The following CDH13 variants were observed in gnomAD, a reference collection of about 807,000 sequenced individuals.
CDH13 encodes cadherin-13.
In CDH13, 24 loss-of-function variants were observed where a neutral mutation model predicts 63.8. That is an observed-to-expected ratio of 0.38 (90% CI 0.27 to 0.53). The LOEUF is 0.53. Among genes scored for constraint, CDH13 ranks in the 20% least tolerant of loss-of-function variants. The pLI, the probability that CDH13 is intolerant of heterozygous loss-of-function variation, is 0.85. For missense variants in CDH13, 1,049 were observed against 903.1 expected, an observed-to-expected ratio of 1.16 and a Z score of -2.07; for synonymous variants, 503 against 355.3, an observed-to-expected ratio of 1.42 and a Z score of -4.67.
At chr16:83,274,321 C>G (rs1053238734) in intron 5 of CDH13, among the ~76,000 whole-genome samples, 3 of 152,166 alleles carry the variant, frequency 2.0e-5, no homozygotes, top group Non-Finnish European at 4.4e-5. Flanking sequence ...GATCAGAGAC[C>G]TCTCAGTTAG....
chr16:83,549,191 T>C (rs1420953574), intron 7 of CDH13, among the ~76,000 whole-genome samples: 1 of 152,128 alleles, frequency 6.6e-6, no homozygotes, highest in Non-Finnish European at 1.5e-5. Context: ...GCAGACAAGC[T>C]GTGATGGAGT....
intron 1 of CDH13, among the ~76,000 whole-genome samples, chr16:82,659,015 T>A (rs1040250086): frequency 2.6e-5 from 4 of 152,130 alleles, no homozygotes; most frequent in African/African-American, 9.7e-5. Context: ...CTGGCCATCA[T>A]CCCAGGCTTA....
chr16:83,514,162 C>G (rs919875552), intron 7 of CDH13, among the ~76,000 whole-genome samples: 6 of 152,178 alleles, frequency 3.9e-5, no homozygotes, highest in African/African-American at 1.4e-4. Flanking sequence ...TTTACATGCA[C>G]TTAATCCTCA....
intron 1 of CDH13, among the ~76,000 whole-genome samples, chr16:82,785,551 C>G (rs1362762081): frequency 1.3e-5 from 2 of 152,172 alleles, no homozygotes; most frequent in Admixed American, 6.5e-5. Context: ...AAGTAAATGA[C>G]TAATTAATCA....
In CDH13 at chr16:83,103,819, A is replaced by G. The variant is rs370217354; in HGVS notation, c.367-21566A>G. Among the ~76,000 whole-genome samples the G allele has an allele frequency of 5.3e-5, 8 of 152,344 alleles. No individual in the cohort carries two copies. The South Asian group carries it at 1.2e-3, about 24-fold the overall frequency. ...CAGTAAGTGCTCAAAAAATGCACAC[A>G]GTAAGTGCTCTGTCATTTTCTAGAA... On this transcript the variant is annotated intron_variant, in intron 3 of 13. Coordinates refer to ENST00000567109, the MANE Select transcript of CDH13 (RefSeq NM_001257.5).
intron 8 of CDH13, among the ~76,000 whole-genome samples, chr16:83,643,223 T>C (rs1326586966): frequency 1.1e-5 from 1 of 87,026 alleles, no homozygotes. Context: ...GCATGGCACA[T>C]GTATACATAT....
chr16:82,795,138 C>T (rs2151145808), intron 1 of CDH13, among the ~76,000 whole-genome samples: 1 of 152,340 alleles, frequency 6.6e-6, no homozygotes, highest in African/African-American at 2.4e-5. Context: ...GTCCATCTTT[C>T]TGCAGTTGGC....
intron 10 of CDH13, among the ~76,000 whole-genome samples, chr16:83,732,438 T>G (rs403903): frequency 0.78 from 118,458 of 152,034 alleles, 46,506 homozygotes; most frequent in Middle Eastern, 0.82. Flanking sequence ...AGGTGAGCAG[T>G]GATCAGTCCC....
rs142290957 is a variant in CDH13, at chr16:82,655,416, C to G, written c.45+28279C>G. ...AAGTAGATGAGATGGCCATGTGGAT[C>G]TCAAAAGGAAAGTGTATGCCAGGAA... On this transcript the variant is annotated intron_variant, in intron 1 of 13. Coordinates refer to ENST00000567109, the MANE Select transcript of CDH13 (RefSeq NM_001257.5). Among the ~76,000 whole-genome samples, 39 of 152,222 alleles carry G rather than the reference C, an allele frequency of 2.6e-4. 1 individual carries two copies. In the East Asian group the frequency reaches 7.4e-3, roughly 29 times the overall value.
chr16:83,447,511 C>T (rs2072744665), intron 6 of CDH13, among the ~76,000 whole-genome samples: 1 of 151,996 alleles, frequency 6.6e-6, no homozygotes, highest in Admixed American at 6.6e-5. Flanking sequence ...GGGATGTTGC[C>T]CTCACCCAAA....
intron 4 of CDH13, among the ~76,000 whole-genome samples, chr16:83,195,149 G>A (rs78325062): frequency 0.053 from 8,034 of 152,128 alleles, 670 homozygotes; most frequent in African/African-American, 0.18. Context: ...ATCATTCACA[G>A]TGTTTATAAT....
intron 4 of CDH13, among the ~76,000 whole-genome samples, chr16:83,138,984 G>C (rs549829300): frequency 1.3e-5 from 2 of 152,052 alleles, no homozygotes; most frequent in Admixed American, 6.6e-5. Flanking sequence ...TCTATAGGAC[G>C]CTGAACAAAG....
At chr16:82,687,287 G>A (rs913398182) in intron 1 of CDH13, among the ~76,000 whole-genome samples, 22 of 152,138 alleles carry the variant, frequency 1.4e-4, no homozygotes, top group African/African-American at 4.6e-4. Flanking sequence ...TGGGATACTG[G>A]GTGGTGGTGG....
At chr16:82,734,834 C>G (rs1406192564) in intron 1 of CDH13, among the ~76,000 whole-genome samples, 1 of 152,180 alleles carries the variant, frequency 6.6e-6, no homozygotes, top group Non-Finnish European at 1.5e-5. Flanking sequence ...GGAGCATCAC[C>G]TGGGTGATTG....
intron 5 of CDH13, among the ~76,000 whole-genome samples, chr16:83,233,040 G>T (rs760094087): frequency 2.0e-5 from 3 of 152,164 alleles, no homozygotes; most frequent in Non-Finnish European, 2.9e-5. Flanking sequence ...ATGGAGGTCA[G>T]TGTGAACCCC....
intron 5 of CDH13, among the ~76,000 whole-genome samples, chr16:83,232,511 A>T (rs2040027740): frequency 6.6e-6 from 1 of 150,820 alleles, no homozygotes; most frequent in Non-Finnish European, 1.5e-5. Context: ...GGGCAACAGC[A>T]GGACTCTGTC....
intron 1 of CDH13, among the ~76,000 whole-genome samples, chr16:82,671,862 A>G (rs1451328481): frequency 1.3e-5 from 2 of 152,222 alleles, no homozygotes; most frequent in Non-Finnish European, 2.9e-5. Flanking sequence ...CCAAGAATAA[A>G]GAAAAGAGAA....
intron 4 of CDH13, among the ~76,000 whole-genome samples, chr16:83,190,219 T>C (rs944407244): frequency 6.6e-6 from 1 of 152,166 alleles, no homozygotes; most frequent in African/African-American, 2.4e-5. Flanking sequence ...TGGGTTCCGC[T>C]TGGCTAGAAG....
chr16:83,408,891 C>A (rs1421498855), intron 6 of CDH13, among the ~76,000 whole-genome samples: 1 of 152,150 alleles, frequency 6.6e-6, no homozygotes. Context: ...CAGAGGGATG[C>A]AGAGACTAAG....
Sources: allele counts gnomAD v4.1 joint callset (sites outside exome capture counted in the v4.1 genomes callset), GRCh38; gene constraint gnomAD v4.1.1; transcripts MANE v1.5; gene names NCBI Gene and HGNC (gene_info 2026-07-23, HGNC 2026-07-21).